PAK3: variants seen among roughly 807,000 people sequenced by gnomAD.
PAK3 encodes the protein serine/threonine-protein kinase PAK 3.
In PAK3, 4 loss-of-function variants were observed where a neutral mutation model predicts 41.0. The observed-to-expected ratio is 0.10, with a 90% CI of 0.05 to 0.22. The LOEUF (loss-of-function observed/expected upper bound fraction) is 0.22, where lower values mean the gene tolerates loss of function less well. Among genes scored for constraint, PAK3 ranks in the 10% least tolerant of loss-of-function variants. The pLI is 1.00. For synonymous variants in PAK3, 146 were observed against 139.6 expected, an observed-to-expected ratio of 1.05 and a Z score of -0.32; for missense variants, 205 against 409.9, an observed-to-expected ratio of 0.50 and a Z score of 4.32.
intron 4 of PAK3, among the ~76,000 whole-genome samples, chrX:111,122,505 C>T (rs1199150591): frequency 9.1e-6 from 1 of 110,219 alleles, no homozygotes; most frequent in South Asian, 4.1e-4. Context: ...CACTCCAACT[C>T]TGTTGAAACT....
chrX:111,057,144 G>A (rs750531595), intron 1 of PAK3, among the ~76,000 whole-genome samples: 11 of 111,135 alleles, frequency 9.9e-5, no homozygotes, highest in Non-Finnish European at 1.9e-4. Context: ...ATCAAAAAGT[G>A]GGCAAAGGAC....
chrX:111,155,859 AC>A (rs2094100519), intron 8 of PAK3, among the ~76,000 whole-genome samples: 1 of 111,609 alleles, frequency 9.0e-6, no homozygotes, highest in South Asian at 3.8e-4. Context: ...TTGAATGAAA[AC>A]TGAGATGCGA....
At chrX:111,026,439 G>A (rs893443569) in intron 1 of PAK3, among the ~76,000 whole-genome samples, 3 of 111,432 alleles carry the variant, frequency 2.7e-5, no homozygotes, top group Admixed American at 9.6e-5. Context: ...CTAGAACTGG[G>A]AAATGAATTC....
At position 111,150,986 on chromosome X, in the gene PAK3, G is replaced by T. The variant is rs188928517; in HGVS notation, c.431-1424G>T. The stretch of plus-strand genomic sequence containing the variant: ...CAAGGATACCCTTGGAAAGGGAAGA[G>T]TGTCTGATTTGGCCATATCAAATAT... On this transcript the variant is annotated intron_variant, in intron 7 of 17. Transcript: ENST00000372007. Among the ~76,000 whole-genome samples, 206 of 111,728 alleles carry T rather than the reference G, an allele frequency of 1.8e-3. 1 individual carries two copies. Among genetic ancestry groups the T allele is most frequent in the African/African-American group, 6.4e-3 (198 of 30,802 alleles).
chrX:111,168,314 G>A (rs2094289969), intron 10 of PAK3, among the ~76,000 whole-genome samples: 1 of 111,406 alleles, frequency 9.0e-6, no homozygotes, highest in Non-Finnish European at 1.9e-5. Context: ...AAATTGTTCT[G>A]GTATTGCTTT....
At chrX:111,104,947 A>G (rs1000458833) in intron 4 of PAK3, among the ~76,000 whole-genome samples, 11 of 111,095 alleles carry the variant, frequency 9.9e-5, no homozygotes, top group Non-Finnish European at 2.1e-4. Context: ...CCAGCATCCA[A>G]AGTTATTTTG....
chrX:111,094,562 A>G (rs1487227520), upstream of PAK3, among the ~76,000 whole-genome samples: 2 of 110,120 alleles, frequency 1.8e-5, no homozygotes, highest in Non-Finnish European at 3.8e-5. Flanking sequence ...CATAGAGTGG[A>G]TCATTGTTGT....
intron 1 of PAK3, among the ~76,000 whole-genome samples, chrX:110,979,027 A>C (rs1253609217): frequency 1.8e-5 from 2 of 111,331 alleles, no homozygotes; most frequent in Non-Finnish European, 3.8e-5. Context: ...CAAATTATCT[A>C]TTTTATATTG....
At chrX:111,197,503 T>C (rs1191498880) in intron 16 of PAK3, among the ~76,000 whole-genome samples, 1 of 112,142 alleles carries the variant, frequency 8.9e-6, no homozygotes, top group Non-Finnish European at 1.9e-5. Flanking sequence ...AGTAATGGGA[T>C]TGCTGAGTTA....
intron 5 of PAK3, among the ~76,000 whole-genome samples, chrX:111,133,526 A>G (rs2093748044): frequency 8.9e-6 from 1 of 112,232 alleles, no homozygotes; most frequent in African/African-American, 3.2e-5. Context: ...TCAGAATATT[A>G]CTGAAGTTTC....
chrX:111,027,386 C>T (rs934049420), intron 1 of PAK3, among the ~76,000 whole-genome samples: 1 of 112,070 alleles, frequency 8.9e-6, no homozygotes, highest in African/African-American at 3.2e-5. Flanking sequence ...AGACAACCCA[C>T]AGAGTGGGAG....
At chrX:111,150,050 A>G (rs1479323383) in intron 7 of PAK3, among the ~76,000 whole-genome samples, 1 of 112,226 alleles carries the variant, frequency 8.9e-6, no homozygotes, top group East Asian at 2.8e-4. Context: ...TTCTTCTACC[A>G]GATACCCTAA....
intron 10 of PAK3, among the ~76,000 whole-genome samples, chrX:111,166,649 A>T (rs2094259168): frequency 9.0e-6 from 1 of 111,326 alleles, no homozygotes; most frequent in East Asian, 2.9e-4. Flanking sequence ...TAAGGAGCTC[A>T]TCCTATGGTT....
At chrX:110,958,547 G>A (rs1462832163) in intron 1 of PAK3, among the ~76,000 whole-genome samples, 4 of 111,213 alleles carry the variant, frequency 3.6e-5, no homozygotes, top group African/African-American at 1.3e-4. Flanking sequence ...CTGGATATAA[G>A]GACTAAGAGG....
chrX:110,970,604 G>A (rs916347190), intron 1 of PAK3, among the ~76,000 whole-genome samples: 1 of 111,019 alleles, frequency 9.0e-6, no homozygotes, highest in Non-Finnish European at 1.9e-5. Context: ...CTGTGGGTGG[G>A]GGGAAAGAGG....
intron 1 of PAK3, among the ~76,000 whole-genome samples, chrX:110,966,445 G>A (rs770996739): frequency 1.7e-3 from 193 of 110,907 alleles, no homozygotes; most frequent in African/African-American, 5.8e-3. Context: ...AGGAGGGAGG[G>A]AGGGTAGGAG....
chrX:111,050,938 C>A (rs1266335500), intron 1 of PAK3, among the ~76,000 whole-genome samples: 1 of 111,783 alleles, frequency 8.9e-6, no homozygotes, highest in Non-Finnish European at 1.9e-5. Flanking sequence ...TGGGACAGGG[C>A]AGGCAGGAGA....
intron 1 of PAK3, among the ~76,000 whole-genome samples, chrX:111,029,382 C>T (rs2092314001): frequency 9.0e-6 from 1 of 111,276 alleles, no homozygotes; most frequent in Non-Finnish European, 1.9e-5. Context: ...ACTTTTCAGT[C>T]CCCCAAAACT....
intron 1 of PAK3, among the ~76,000 whole-genome samples, chrX:111,058,050 A>G (rs1445725516): frequency 8.9e-6 from 1 of 112,265 alleles, no homozygotes. Flanking sequence ...CATTGTATGG[A>G]TATACCACAT....
Sources: allele counts gnomAD v4.1 joint callset (sites outside exome capture counted in the v4.1 genomes callset), GRCh38; gene constraint gnomAD v4.1.1; transcripts MANE v1.5; gene names NCBI Gene and HGNC (gene_info 2026-07-23, HGNC 2026-07-21).